The following TRPS1 variants were observed in gnomAD, a reference collection of about 807,000 sequenced individuals.
TRPS1 encodes zinc finger transcription factor Trps1.
TRPS1 carries 6 observed loss-of-function variants against 101.2 expected under a neutral mutation model. The ratio of observed to expected loss-of-function variants is 0.06; its 90% CI spans 0.03 to 0.12. The LOEUF is 0.12. Among genes scored for constraint, TRPS1 ranks in the 10% least tolerant of loss-of-function variants. TRPS1 has a pLI of 1.00. For missense variants in TRPS1, 1,363 were observed against 1,567.0 expected (o/e 0.87, Z 2.20); for synonymous variants, 578 against 589.8 (o/e 0.98, Z 0.29).
chr8:115,494,669 T>A (rs1586330834), intron 5 of TRPS1, among the ~76,000 whole-genome samples: 1 of 152,310 alleles, frequency 6.6e-6, no homozygotes, highest in Non-Finnish European at 1.5e-5. Context: ...TCTCATGGAA[T>A]AATAGAAATG....
Position 115,413,893 on chromosome 8 carries a change from A to C in TRPS1, c.*130T>G. On this transcript the variant is annotated 3_prime_UTR_variant, in exon 7 of 7. Coordinates refer to ENST00000395715, the MANE Select transcript of TRPS1 (RefSeq NM_014112.5). ...CATCAAAAGAAAGAATAACAAAAGAAGGGAATTTCATGTTGGATAAGGCAG... is the reference window on the plus strand; with the variant it reads ...CATCAAAAGAAAGAATAACAAAAGACGGGAATTTCATGTTGGATAAGGCAG... 1.1e-6 allele frequency: 1 copy of C among 878,264 alleles called. No individual in the cohort carries two copies. The highest frequency in any genetic ancestry group is 1.7e-6 in the Non-Finnish European group (1 of 581,922). 54.4% of individuals were successfully genotyped at this position (878,264 alleles called of 1,614,324 possible).
In TRPS1 at chr8:115,604,314, T is replaced by C; in HGVS notation, c.1655A>G (p.Asp552Gly). ...DFRYSKSHGP[D>G]VIVVGPLLRH... ...GAGAAGTGGCCCCACTACAATTACATCAGGGCCATGGCTTTTGGAATATCG... is the reference window on the plus strand; with the variant it reads ...GAGAAGTGGCCCCACTACAATTACACCAGGGCCATGGCTTTTGGAATATCG... Residue 552 changes from aspartate (D) to glycine (G), a missense_variant, in exon 4 of 7, where the codon GAT (aspartate) becomes GGT (glycine). Coordinates refer to ENST00000395715, the MANE Select transcript of TRPS1 (RefSeq NM_014112.5). This position sits in a 1 kb window ranked among gnomAD's most constrained non-coding sequence, Gnocchi z 4.1. The C allele has an allele frequency of 6.2e-7, 1 of 1,614,078 alleles. No individual in the cohort carries two copies. Among genetic ancestry groups the C allele is most frequent in the Non-Finnish European group, 8.5e-7 (1 of 1,180,000 alleles).
chr8:115,533,456 T>TTTTTTTTTTTTTTTTTTTTTA (rs1563580878), intron 5 of TRPS1, among the ~76,000 whole-genome samples: 1 of 134,672 alleles, frequency 7.4e-6, no homozygotes, highest in Non-Finnish European at 1.6e-5. Flanking sequence ...TTTTTTTTTT[T>TTTTTTTTTTTTTTTTTTTTTA]TTTCCTGAAA....
At chr8:115,626,237 G>T (rs1253191653) in intron 1 of TRPS1, among the ~76,000 whole-genome samples, 1 of 150,540 alleles carries the variant, frequency 6.6e-6, no homozygotes, top group African/African-American at 2.4e-5. Context: ...TATGAACAAT[G>T]TATACAGTTC....
At chr8:115,520,876 A>G (rs539394402) in intron 5 of TRPS1, among the ~76,000 whole-genome samples, 106 of 151,636 alleles carry the variant, frequency 7.0e-4, no homozygotes, top group Middle Eastern at 3.4e-3. Context: ...CCATCTCACT[A>G]TTTTCCTTAT....
rs999292007 is a variant in TRPS1, at chr8:115,431,052, A to G, written c.2701-12600T>C. ...CACTGATAACTTATGATTAATTTTTATTGCCAACTTATTTTTATTACTATG... is the reference window on the plus strand; with the variant it reads ...CACTGATAACTTATGATTAATTTTTGTTGCCAACTTATTTTTATTACTATG... On this transcript the variant is annotated intron_variant, in intron 5 of 6. Transcript: ENST00000395715. 3.9e-5 allele frequency among the ~76,000 whole-genome samples: 6 copies of G among 152,026 alleles called. 1 individual carries two copies. Among genetic ancestry groups the G allele is most frequent in the Non-Finnish European group, 1.5e-5 (1 of 67,934 alleles).
chr8:115,656,951 T>A (rs898283631), intron 1 of TRPS1, among the ~76,000 whole-genome samples: 3 of 152,114 alleles, frequency 2.0e-5, no homozygotes, highest in Non-Finnish European at 4.4e-5. Flanking sequence ...TCAAAATCAA[T>A]GGACTTCAAG....
intron 4 of TRPS1, among the ~76,000 whole-genome samples, chr8:115,594,672 T>C (rs1050026963): frequency 6.6e-6 from 1 of 152,032 alleles, no homozygotes; most frequent in African/African-American, 2.4e-5. Flanking sequence ...AGCATTTGTT[T>C]TTTGATCCTT....
chr8:115,517,447 TGAGA>T (rs1229414669), intron 5 of TRPS1, among the ~76,000 whole-genome samples: 1 of 150,378 alleles, frequency 6.6e-6, no homozygotes, highest in African/African-American at 2.4e-5. Context: ...ATTATTAAAA[TGAGA>T]GAGAGAGAGA....
chr8:115,527,981 C>T (rs115195397), intron 5 of TRPS1, among the ~76,000 whole-genome samples: 354 of 152,072 alleles, frequency 2.3e-3, no homozygotes, highest in African/African-American at 8.0e-3. Flanking sequence ...CAGGTAAAAC[C>T]GGAAAGATCA....
At chr8:115,485,536 TAC>T (rs1814857824) in intron 5 of TRPS1, among the ~76,000 whole-genome samples, 1 of 152,228 alleles carries the variant, frequency 6.6e-6, no homozygotes, top group Non-Finnish European at 1.5e-5. Context: ...TCTTTAGTTT[TAC>T]AGTGTACCCC....
intron 5 of TRPS1, among the ~76,000 whole-genome samples, chr8:115,447,086 G>T (rs1456745542): frequency 1.3e-5 from 2 of 152,104 alleles, no homozygotes; most frequent in Non-Finnish European, 2.9e-5. Flanking sequence ...TGTATTTTTA[G>T]CCATTTTTAG....
At chr8:115,648,089 A>C (rs1236362356) in intron 1 of TRPS1, among the ~76,000 whole-genome samples, 1 of 152,116 alleles carries the variant, frequency 6.6e-6, no homozygotes, top group East Asian at 1.9e-4. Flanking sequence ...CAGAGCGTCA[A>C]ATCAAGGAGG....
At chr8:115,461,943 A>G (rs898444015) in intron 5 of TRPS1, among the ~76,000 whole-genome samples, 5 of 152,190 alleles carry the variant, frequency 3.3e-5, no homozygotes, top group African/African-American at 1.2e-4. Context: ...AAACAACACA[A>G]GTACAAACAA....
chr8:115,458,581 T>C (rs993634535), intron 5 of TRPS1, among the ~76,000 whole-genome samples: 1 of 152,136 alleles, frequency 6.6e-6, no homozygotes, highest in Non-Finnish European at 1.5e-5. Context: ...TTGCTATACT[T>C]TAAATGTAAC....
intron 5 of TRPS1, among the ~76,000 whole-genome samples, chr8:115,498,413 CTCTATATATATATA>C (rs1156756716): frequency 1.3e-3 from 84 of 63,462 alleles, no homozygotes; most frequent in African/African-American, 7.7e-3. Context: ...CTCTCTCTCT[CTCTATATATATATA>C]TATATATATA....
chr8:115,515,519 G>A (rs1052480114), intron 5 of TRPS1, among the ~76,000 whole-genome samples: 1 of 151,360 alleles, frequency 6.6e-6, no homozygotes, highest in Non-Finnish European at 1.5e-5. Flanking sequence ...TCAGGACACA[G>A]TAAATCCACT....
At chr8:115,580,024 T>C (rs944085141) in intron 5 of TRPS1, among the ~76,000 whole-genome samples, 39 of 152,154 alleles carry the variant, frequency 2.6e-4, no homozygotes, top group African/African-American at 8.2e-4. Flanking sequence ...TAAAAGTCTA[T>C]AAGTAGTATT....
At position 115,418,493 on chromosome 8, in the gene TRPS1, A is replaced by G; in HGVS notation, c.2701-41T>C. 6.2e-7 allele frequency: 1 copy of G among 1,613,942 alleles called. No homozygotes were observed. The highest frequency in any genetic ancestry group is 1.1e-5 in the South Asian group (1 of 91,078). On this transcript the variant is annotated intron_variant, in intron 5 of 6. Transcript: ENST00000395715. This position sits in a 1 kb window ranked among gnomAD's most constrained non-coding sequence, Gnocchi z 4.3. Reference sequence around the variant, plus strand: ...AAAACCAAGGTCAGAGGTGAGTCACATGATCAGTGGAGTTAGACCAAATCA... The same window carrying G: ...AAAACCAAGGTCAGAGGTGAGTCACGTGATCAGTGGAGTTAGACCAAATCA...
Sources: allele counts gnomAD v4.1 joint callset (sites outside exome capture counted in the v4.1 genomes callset), GRCh38; gene constraint gnomAD v4.1.1; non-coding constraint Gnocchi (gnomAD v3.1); transcripts MANE v1.5; gene names NCBI Gene and HGNC (gene_info 2026-07-23, HGNC 2026-07-21).